SNAP25: variants seen among roughly 807,000 people sequenced by gnomAD.
The protein encoded by SNAP25 is synaptosomal-associated protein 25.
In SNAP25, 3 loss-of-function variants were observed where a neutral mutation model predicts 28.7. The observed-to-expected ratio is 0.10, with a 90% CI of 0.05 to 0.27. The LOEUF is 0.27. Ranked by LOEUF, SNAP25 falls within the 10% of genes least tolerant of loss-of-function variation. The pLI is 1.00. For missense variants in SNAP25, 117 were observed against 278.7 expected (o/e 0.42, Z 4.13); for synonymous variants, 61 against 88.1 (o/e 0.69, Z 1.72).
chr20:10,237,825 A>G (rs2062950852), intron 1 of SNAP25, among the ~76,000 whole-genome samples: 1 of 152,198 alleles, frequency 6.6e-6, no homozygotes, highest in East Asian at 1.9e-4. Context: ...CCCAAGCTCT[A>G]TCCACAGCAA....
chr20:10,231,885 T>C (rs1014970314), intron 1 of SNAP25, among the ~76,000 whole-genome samples: 1 of 152,188 alleles, frequency 6.6e-6, no homozygotes, highest in East Asian at 1.9e-4. Flanking sequence ...GTCTCAAGTA[T>C]TTTGGATAAG....
chr20:10,274,598 C>G (rs2063654092), intron 1 of SNAP25, among the ~76,000 whole-genome samples: 1 of 152,168 alleles, frequency 6.6e-6, no homozygotes, highest in Non-Finnish European at 1.5e-5. Flanking sequence ...AATCCCAGCA[C>G]TTTGGGAGGC....
At chr20:10,261,806 C>T (rs1015268698) in intron 1 of SNAP25, among the ~76,000 whole-genome samples, 1 of 152,106 alleles carries the variant, frequency 6.6e-6, no homozygotes, top group Non-Finnish European at 1.5e-5. Context: ...AAACTATTCA[C>T]AAGGATAATG....
chr20:10,224,048 C>A (rs75056697), intron 1 of SNAP25, among the ~76,000 whole-genome samples: 1 of 152,062 alleles, frequency 6.6e-6, no homozygotes, highest in Non-Finnish European at 1.5e-5. Flanking sequence ...TCCTAACAAC[C>A]TTGTGGTCAG....
At chr20:10,237,941 G>A (rs917188256) in intron 1 of SNAP25, among the ~76,000 whole-genome samples, 9 of 152,100 alleles carry the variant, frequency 5.9e-5, no homozygotes, top group African/African-American at 2.2e-4. Flanking sequence ...TTCCTTTCTG[G>A]TCTTTCCTGT....
At chr20:10,242,102 C>T (rs1003546440) in intron 1 of SNAP25, among the ~76,000 whole-genome samples, 2 of 152,116 alleles carry the variant, frequency 1.3e-5, no homozygotes, top group East Asian at 1.9e-4. Context: ...CCACAGTCTC[C>T]GCCTGGAGCA....
At chr20:10,292,396 A>G (rs1028697383) in intron 4 of SNAP25, among the ~76,000 whole-genome samples, 6 of 152,292 alleles carry the variant, frequency 3.9e-5, no homozygotes, top group African/African-American at 1.4e-4. Context: ...CCCATTGCTT[A>G]TGATTGCTGC....
chr20:10,263,425 A>G (rs1028839943), intron 1 of SNAP25, among the ~76,000 whole-genome samples: 1 of 152,132 alleles, frequency 6.6e-6, no homozygotes, highest in South Asian at 2.1e-4. Context: ...TTGACTACTG[A>G]AGGCAAAACT....
At chr20:10,277,773 T>C (rs1250516121) in intron 3 of SNAP25, 47 bp downstream of exon 3, 4 of 1,520,896 alleles carry the variant, frequency 2.6e-6, no homozygotes, top group Admixed American at 3.3e-5. Flanking sequence ...TCCCTTATGC[T>C]GATACATCCT....
intron 1 of SNAP25, among the ~76,000 whole-genome samples, chr20:10,232,675 G>A (rs2062848153): frequency 6.6e-6 from 1 of 152,176 alleles, no homozygotes; most frequent in South Asian, 2.1e-4. Flanking sequence ...ATGGTAATAA[G>A]CAGAGAACAA....
At chr20:10,252,595 T>G (rs947201287) in intron 1 of SNAP25, among the ~76,000 whole-genome samples, 4 of 152,190 alleles carry the variant, frequency 2.6e-5, no homozygotes, top group African/African-American at 9.7e-5. Context: ...TTTAACAGAT[T>G]TTGAAATAAA....
chr20:10,229,906 G>A (rs1390857805), intron 1 of SNAP25, among the ~76,000 whole-genome samples: 1 of 152,076 alleles, frequency 6.6e-6, no homozygotes, highest in Non-Finnish European at 1.5e-5. Flanking sequence ...AAAAGAAGAA[G>A]AAAAGAAAAG....
At chr20:10,228,563 CTGG>C (rs2062772510) in intron 1 of SNAP25, among the ~76,000 whole-genome samples, 2 of 152,148 alleles carry the variant, frequency 1.3e-5, no homozygotes, top group Non-Finnish European at 2.9e-5. Context: ...GGAGAGTCAG[CTGG>C]CTGCATGCCA....
chr20:10,257,756 A>G (rs576598415), intron 1 of SNAP25, among the ~76,000 whole-genome samples: 4 of 144,888 alleles, frequency 2.8e-5, no homozygotes, highest in Non-Finnish European at 4.5e-5. Flanking sequence ...GGTGGCATGC[A>G]CCTGTAGTCC....
intron 1 of SNAP25, among the ~76,000 whole-genome samples, chr20:10,263,388 A>C (rs2063454047): frequency 6.6e-6 from 1 of 152,134 alleles, no homozygotes; most frequent in African/African-American, 2.4e-5. Context: ...AGAACCCCTA[A>C]GGGAGCTGAG....
chr20:10,241,031 G>A (rs904550274), intron 1 of SNAP25, among the ~76,000 whole-genome samples: 4 of 152,318 alleles, frequency 2.6e-5, no homozygotes, highest in South Asian at 4.1e-4. Context: ...GCCTTGCTGC[G>A]CTTCCATGGA....
chr20:10,282,090 G>A (rs146883916), intron 3 of SNAP25, among the ~76,000 whole-genome samples: 26 of 150,706 alleles, frequency 1.7e-4, no homozygotes, highest in African/African-American at 5.4e-4. Flanking sequence ...TTGTCTACCC[G>A]TTATCCTTAG....
Position 10,299,233 on chromosome 20 carries a change from C to T in SNAP25, c.408-35C>T, listed in dbSNP as rs772325937. ...CCTTGGTATTCAATATGTTTTCCACCCTCTGTCTTCTAAAACTTGCTCTTT... is the reference window on the plus strand; with the variant it reads ...CCTTGGTATTCAATATGTTTTCCACTCTCTGTCTTCTAAAACTTGCTCTTT... On this transcript the variant is annotated intron_variant, in intron 6 of 7. Coordinates refer to ENST00000254976, the MANE Select transcript of SNAP25 (RefSeq NM_130811.4). 3.7e-6 allele frequency: 6 copies of T among 1,608,658 alleles called. No homozygotes were observed. In the Admixed American group the frequency reaches 1.0e-4, roughly 27 times the overall value.
At position 10,306,287 on chromosome 20, in the gene SNAP25, C is replaced by T; in HGVS notation, c.*90C>T. On this transcript the variant is annotated 3_prime_UTR_variant, in exon 8 of 8. Coordinates refer to ENST00000254976, the MANE Select transcript of SNAP25 (RefSeq NM_130811.4). ...TGGTATTATCTAGTAGGTCTGCACA[C>T]ATAACACACATCAGTCCACCCCCAT... is the stretch of plus-strand genomic sequence containing the variant. 8.8e-7 allele frequency: 1 copy of T among 1,133,316 alleles called. No homozygotes were observed. The highest frequency in any genetic ancestry group is 1.3e-5 in the South Asian group (1 of 77,064). The allele number at this position is 1,133,316 out of a possible 1,614,324, so 70.2% of individuals were successfully genotyped here. A position where few individuals can be genotyped will look rare whatever the true frequency, so the allele number is the denominator to read the frequency against.
Sources: allele counts gnomAD v4.1 joint callset (sites outside exome capture counted in the v4.1 genomes callset), GRCh38; gene constraint gnomAD v4.1.1; transcripts MANE v1.5; gene names NCBI Gene and HGNC (gene_info 2026-07-23, HGNC 2026-07-21).